The following SCN2A variants were observed in gnomAD, a reference collection of about 807,000 sequenced individuals.
The protein encoded by SCN2A is sodium channel protein type 2 subunit alpha.
A neutral mutation model predicts 188.7 loss-of-function variants in SCN2A; 20 were observed. The ratio of observed to expected loss-of-function variants is 0.11; its 90% confidence interval spans 0.07 to 0.15. The LOEUF is 0.15. Ranked by LOEUF, SCN2A falls within the 10% of genes least tolerant of loss-of-function variation. SCN2A has a pLI of 1.00. For missense variants in SCN2A, 1,278 were observed against 2,445.0 expected, an observed-to-expected ratio of 0.52 and a Z score of 10.07; for synonymous variants, 804 against 833.1, an observed-to-expected ratio of 0.97 and a Z score of 0.60.
At chr2:165,291,494 T>TTTCTTTCTTTCTTTC (rs1559340326) in intron 1 of SCN2A, among the ~76,000 whole-genome samples, 1,020 of 36,492 alleles carry the variant, frequency 0.028, 80 homozygotes, top group Middle Eastern at 0.08. Flanking sequence ...TTCTTTCTTT[T>TTTCTTTCTTTCTTTC]CTTTCTTTCT....
At chr2:165,359,002 G>C (rs1700317542) in intron 17 of SCN2A, among the ~76,000 whole-genome samples, 1 of 152,076 alleles carries the variant, frequency 6.6e-6, no homozygotes, top group Non-Finnish European at 1.5e-5. Flanking sequence ...TTGTCACTTA[G>C]ATACAGTTTC....
At chr2:165,245,860 G>GTTTT in intron 1 of SCN2A, among the ~76,000 whole-genome samples, 1 of 152,162 alleles carries the variant, frequency 6.6e-6, no homozygotes, top group East Asian at 1.9e-4. Flanking sequence ...CTAAGTGTTA[G>GTTTT]AAAGTTAAAA....
chr2:165,318,385 C>T (rs1286708051), intron 11 of SCN2A, among the ~76,000 whole-genome samples: 10 of 152,042 alleles, frequency 6.6e-5, no homozygotes, highest in Non-Finnish European at 1.2e-4. Context: ...GACCTTAAAT[C>T]ATTACTTTAT....
At chr2:165,291,568 C>CT (rs57003835) in intron 1 of SCN2A, among the ~76,000 whole-genome samples, 1 of 71,282 alleles carries the variant, frequency 1.4e-5, no homozygotes, top group African/African-American at 4.2e-5. Flanking sequence ...TTCCTTCCTT[C>CT]CTTCCTTTCT....
At chr2:165,375,967 A>G (rs977036763) in intron 22 of SCN2A, among the ~76,000 whole-genome samples, 24 of 151,934 alleles carry the variant, frequency 1.6e-4, no homozygotes, top group Non-Finnish European at 3.1e-4. Context: ...GACAAATGAC[A>G]CATGATGTCA....
chr2:165,272,368 A>T (rs897262368), intron 1 of SCN2A: 1 of 152,112 alleles, frequency 6.6e-6, no homozygotes, highest in African/African-American at 2.4e-5. Context: ...GAAGAAAAAA[A>T]TGGCAGAATA....
intron 12 of SCN2A, among the ~76,000 whole-genome samples, chr2:165,326,044 G>C (rs879345483): frequency 2.0e-5 from 3 of 152,074 alleles, no homozygotes; most frequent in Non-Finnish European, 2.9e-5. Flanking sequence ...ACTCAGACCT[G>C]CATTTGAAAT....
At chr2:165,349,608 G>T (rs1699782645) in intron 16 of SCN2A, among the ~76,000 whole-genome samples, 2 of 152,120 alleles carry the variant, frequency 1.3e-5, no homozygotes, top group Admixed American at 6.6e-5. Context: ...TGCATAAAAA[G>T]ATATAGTTTA....
intron 14 of SCN2A, among the ~76,000 whole-genome samples, chr2:165,340,327 G>C (rs1699244589): frequency 6.6e-6 from 1 of 151,926 alleles, no homozygotes; most frequent in African/African-American, 2.4e-5. Context: ...GAAAAGTCTA[G>C]TAATATACAC....
intron 16 of SCN2A, among the ~76,000 whole-genome samples, chr2:165,350,724 C>T (rs1476555758): frequency 6.0e-5 from 7 of 116,190 alleles, no homozygotes; most frequent in Non-Finnish European, 1.3e-4. Context: ...CGCCCGAGGC[C>T]TCCCAAAGTG....
intron 1 of SCN2A, among the ~76,000 whole-genome samples, chr2:165,279,187 T>C (rs539469083): frequency 1.3e-5 from 2 of 152,324 alleles, no homozygotes; most frequent in South Asian, 4.1e-4. Flanking sequence ...TACCACATTA[T>C]CTAGGAGGTG....
Position 165,344,930 on chromosome 2 carries a change from TTCC to T in SCN2A, c.2919+22_2919+24del, listed in dbSNP as rs773108867. 6.2e-7 allele frequency: 1 copy of T among 1,613,682 alleles called. No homozygotes were observed. Among genetic ancestry groups the T allele is most frequent in the Non-Finnish European group, 8.5e-7 (1 of 1,179,606 alleles). On this transcript the variant is annotated intron_variant, in intron 16 of 26. Transcript: ENST00000375437. The stretch of plus-strand genomic sequence containing the variant: ...TCTAGTGGTATGTAGCAAAAACATT[TTCC>T]TCATTTTCATTAAAAGATAATGTAA...
At chr2:165,278,649 A>C (rs533187511) in intron 1 of SCN2A, among the ~76,000 whole-genome samples, 7 of 152,302 alleles carry the variant, frequency 4.6e-5, no homozygotes, top group African/African-American at 1.4e-4. Flanking sequence ...ACTAGAAAGG[A>C]AAGCTGGACT....
intron 16 of SCN2A, among the ~76,000 whole-genome samples, chr2:165,353,466 A>G (rs1380314594): frequency 6.6e-6 from 1 of 152,192 alleles, no homozygotes; most frequent in Non-Finnish European, 1.5e-5. Flanking sequence ...TAGTCAAAAT[A>G]GCATCTGTAT....
intron 1 of SCN2A, among the ~76,000 whole-genome samples, chr2:165,248,760 G>A (rs571683704): frequency 1.4e-4 from 21 of 152,198 alleles, no homozygotes; most frequent in South Asian, 4.2e-4. Context: ...TTGGTGCACT[G>A]ATGTTTCACA....
At chr2:165,296,292 G>T (rs772694835) in intron 2 of SCN2A, 6 of 600,396 alleles carry the variant, frequency 1.0e-5, no homozygotes, top group African/African-American at 3.7e-5. Flanking sequence ...TGTGAGACAG[G>T]CAGAGAACTG....
intron 17 of SCN2A, among the ~76,000 whole-genome samples, chr2:165,364,229 C>G (rs1360631857): frequency 1.3e-5 from 2 of 152,064 alleles, no homozygotes; most frequent in Admixed American, 1.3e-4. Context: ...ATGCTGTGGC[C>G]CAAACTACTC....
intron 20 of SCN2A, chr2:165,370,849 A>G (rs1324847588): frequency 6.4e-6 from 1 of 156,286 alleles, no homozygotes; most frequent in Non-Finnish European, 1.4e-5. Flanking sequence ...TAGAGTACTA[A>G]AATATGAGGG....
At chr2:165,291,496 T>TTTCTTTCTTTCTTTCTTTCTTTCCG (rs1696168046) in intron 1 of SCN2A, among the ~76,000 whole-genome samples, 1 of 26,078 alleles carries the variant, frequency 3.8e-5, no homozygotes. Context: ...CTTTCTTTTC[T>TTTCTTTCTTTCTTTCTTTCTTTCCG]TTCTTTCTTT....
Sources: allele counts gnomAD v4.1 joint callset (sites outside exome capture counted in the v4.1 genomes callset), GRCh38; gene constraint gnomAD v4.1.1; transcripts MANE v1.5; gene names NCBI Gene and HGNC (gene_info 2026-07-23, HGNC 2026-07-21).